Variants in PADI4 observed in about 807,000 individuals in gnomAD.
PADI4 encodes the protein protein-arginine deiminase type-4.
A neutral mutation model predicts 75.0 loss-of-function variants in PADI4; 62 were observed. The ratio of observed to expected loss-of-function variants is 0.83; its 90% CI spans 0.67 to 1.02. The LOEUF (loss-of-function observed/expected upper bound fraction) is 1.02, where lower values mean the gene tolerates loss of function less well. Among genes scored for constraint, PADI4 ranks in the 50% least tolerant of loss-of-function variants. The probability of loss-of-function intolerance (pLI) is 0.00; values close to 1 mark genes in which losing one functional copy is unlikely to be tolerated. For missense variants in PADI4, 845 were observed against 850.5 expected (o/e 0.99, Z 0.08); for synonymous variants, 361 against 348.1 (o/e 1.04, Z -0.41).
chr1:17,319,202 G>C (rs1471808896), intron 1 of PADI4, among the ~76,000 whole-genome samples: 3 of 151,842 alleles, frequency 2.0e-5, no homozygotes, highest in African/African-American at 7.3e-5. Flanking sequence ...GTGTTTTTTT[G>C]ATTGTCTGCC....
At chr1:17,352,185 G>C (rs867264694) in intron 10 of PADI4, among the ~76,000 whole-genome samples, 2 of 110,640 alleles carry the variant, frequency 1.8e-5, no homozygotes, top group African/African-American at 6.4e-5. Context: ...TAGGAGAGGC[G>C]GTCAGGGAGG....
chr1:17,333,973 C>A lies in PADI4; in HGVS notation c.304C>A (p.Pro102Thr), dbSNP rs34309058. The change falls in exon 3 of 16, where the codon CCA becomes ACA. Residue 102 changes from proline (P) to threonine (T), a missense_variant. Coordinates refer to ENST00000375448, the MANE Select transcript of PADI4 (RefSeq NM_012387.3). ...GATTTCATACTACGGACCCAAGACT[C>A]CACCAGTCAAAGCTCTACTCTACCT... is the stretch of plus-strand genomic sequence containing the variant. ...VQISYYGPKTPPVKALLYLTG... is the reference protein window; with the variant it reads ...VQISYYGPKTTPVKALLYLTG... 0.015 allele frequency: 24,003 copies of A among 1,612,530 alleles called. 241 individuals carry two copies. The highest frequency in any genetic ancestry group is 0.018 in the Non-Finnish European group (21,446 of 1,178,522).
chr1:17,333,788 T>A (rs2074258615), intron 2 of PADI4, among the ~76,000 whole-genome samples, 155 bp from the exon 3 acceptor site: 1 of 152,006 alleles, frequency 6.6e-6, no homozygotes. Context: ...TTTCCCTCCA[T>A]TCCCATCGGA....
intron 8 of PADI4, among the ~76,000 whole-genome samples, chr1:17,342,883 G>A (rs1369539994): frequency 1.2e-4 from 18 of 152,236 alleles, no homozygotes; most frequent in African/African-American, 3.6e-4. Context: ...GCCGAGGCAC[G>A]AGAATTGCTT....
Position 17,328,460 on chromosome 1 carries a change from A to T in PADI4, c.93-2509A>T, listed in dbSNP as rs184179733. On this transcript the variant is annotated intron_variant, in intron 1 of 15. Coordinates refer to ENST00000375448, the MANE Select transcript of PADI4 (RefSeq NM_012387.3). ...CAGGAGTTTGAGACCAGCCTGGGTA[A>T]CATAGCGAGACTCTGTCTCTACAAA... Among the ~76,000 whole-genome samples the T allele has an allele frequency of 2.2e-3, 333 of 152,224 alleles. 2 individuals are homozygous for T. The highest frequency in any genetic ancestry group is 7.8e-3 in the African/African-American group (325 of 41,578).
In PADI4 at chr1:17,356,520, T is replaced by G; in HGVS notation, c.1558+61T>G. On this transcript the variant is annotated intron_variant, in intron 13 of 15. Transcript: ENST00000375448. The surrounding 1 kb of genome is among the most constrained non-coding windows in gnomAD (Gnocchi z 4.1). Reference sequence around the variant, plus strand: ...CCTTCCTGCTTCCCATAGTCCGCTGTTGCCTGGAGGGAATCATCCAGGCAA... The same window carrying G: ...CCTTCCTGCTTCCCATAGTCCGCTGGTGCCTGGAGGGAATCATCCAGGCAA... The G allele has an allele frequency of 1.0e-6, 1 of 1,001,178 alleles. No homozygotes were observed. Among genetic ancestry groups the G allele is most frequent in the Non-Finnish European group, 1.6e-6 (1 of 644,806 alleles). The allele number at this position is 1,001,178 out of a possible 1,614,324, so 62.0% of individuals were successfully genotyped here.
intron 1 of PADI4, among the ~76,000 whole-genome samples, chr1:17,310,432 C>T (rs546188644): frequency 2.0e-5 from 3 of 152,266 alleles, no homozygotes; most frequent in South Asian, 4.1e-4. Context: ...GAGCAGCCAT[C>T]GGCCTCTTCC....
At chr1:17,312,320 C>T (rs796698881) in intron 1 of PADI4, among the ~76,000 whole-genome samples, 40 of 152,058 alleles carry the variant, frequency 2.6e-4, no homozygotes, top group African/African-American at 8.9e-4. Context: ...ATTAGCCGGG[C>T]GTGGTGGCAG....
chr1:17,320,482 A>G (rs916448247), intron 1 of PADI4, among the ~76,000 whole-genome samples: 2 of 152,220 alleles, frequency 1.3e-5, no homozygotes, highest in African/African-American at 4.8e-5. Context: ...TATATGCTAA[A>G]CAAGGGGTGG....
intron 1 of PADI4, among the ~76,000 whole-genome samples, chr1:17,314,934 A>G (rs1375022798): frequency 6.6e-6 from 1 of 152,144 alleles, no homozygotes; most frequent in Non-Finnish European, 1.5e-5. Context: ...GGGAATTCGT[A>G]TGTTCCATTC....
chr1:17,323,597 G>A (rs908946863), intron 1 of PADI4, among the ~76,000 whole-genome samples: 1 of 152,182 alleles, frequency 6.6e-6, no homozygotes, highest in African/African-American at 2.4e-5. Flanking sequence ...CACTTTGGGA[G>A]GCCAAGGCAG....
chr1:17,338,164 C>T lies in PADI4; in HGVS notation c.526+9C>T, dbSNP rs1243285894. On this transcript the variant is annotated intron_variant, in intron 5 of 15. Coordinates refer to ENST00000375448, the MANE Select transcript of PADI4 (RefSeq NM_012387.3). ...AGTGCTTGACAGCGAAGGTAAAGAG[C>T]ATTTGCTAGCTAACGGGAAGGGCTT... The T allele has an allele frequency of 2.2e-5, 35 of 1,558,524 alleles. No individual in the cohort carries two copies. The highest frequency in any genetic ancestry group is 5.0e-5 in the Admixed American group (3 of 59,900).
At chr1:17,314,950 G>A (rs2073906641) in intron 1 of PADI4, among the ~76,000 whole-genome samples, 1 of 152,198 alleles carries the variant, frequency 6.6e-6, no homozygotes, top group Non-Finnish European at 1.5e-5. Flanking sequence ...CATTCACACT[G>A]ACCCTGGCAA....
rs572256192 is a variant in PADI4, at chr1:17,351,385, G to T, written c.1156-3148G>T. On this transcript the variant is annotated intron_variant, in intron 10 of 15. Transcript: ENST00000375448. ...GCTGGTGGATTACTTGAGCCCAGGA[G>T]TTCGAGACCAGCCTAGGCACCATAG... 4.7e-5 allele frequency among the ~76,000 whole-genome samples: 7 copies of T among 149,518 alleles called. No individual in the cohort carries two copies. The South Asian group carries it at 1.5e-3, about 32-fold the overall frequency.
intron 1 of PADI4, among the ~76,000 whole-genome samples, chr1:17,317,400 C>T (rs1461236539): frequency 6.6e-6 from 1 of 152,074 alleles, no homozygotes; most frequent in Non-Finnish European, 1.5e-5. Flanking sequence ...TCCTGAGTAG[C>T]TGGGATTACA....
rs201509687 is a variant in PADI4 at position 17,346,029 on chromosome 1, A to T, written c.937A>T (p.Ile313Phe). 6.9e-6 allele frequency: 11 copies of T among 1,597,122 alleles called. No individual in the cohort carries two copies. In the Admixed American group the frequency reaches 1.7e-4, roughly 24 times the overall value. ...GAGCTGCTTTTCTGCTCTCTCTAGT[A>T]TTTTTGAAAATGAGGACTTCCTGAA... Reference protein sequence around the residue: ...QPPQEVYACSIFENEDFLKSV... With the variant: ...QPPQEVYACSFFENEDFLKSV... Residue 313 changes from isoleucine to phenylalanine, a missense_variant and splice_region_variant, in exon 9 of 16, where the codon ATT (isoleucine) becomes TTT (phenylalanine). Ile to Phe is a conservative substitution (Grantham distance 21, BLOSUM62 0). Transcript: ENST00000375448. This position sits in a 1 kb window ranked among gnomAD's most constrained non-coding sequence, Gnocchi z 4.3.
In PADI4 at chr1:17,331,075, A is replaced by G. The variant is rs748854866; in HGVS notation, c.199A>G (p.Thr67Ala). 1 of 1,612,242 alleles carries G rather than the reference A, an allele frequency of 6.2e-7. No homozygotes were observed. Among genetic ancestry groups the G allele is most frequent in the African/African-American group, 1.3e-5 (1 of 74,864 alleles). The change falls in exon 2 of 16, where the codon ACA (threonine) becomes GCA (alanine). Residue 67 changes from threonine to alanine, a missense_variant. Coordinates refer to ENST00000375448, the MANE Select transcript of PADI4 (RefSeq NM_012387.3). ...CAAGAAGAAATCCACAGGTTCCTCC[A>G]CATGGCCCCTGGACCCTGGGGTAGA... The part of the protein sequence containing the change: ...PAKKKSTGSS[T>A]WPLDPGVEVT...
chr1:17,338,297 A>G (rs2074353775), intron 5 of PADI4, 142 bp downstream of exon 5: 2 of 621,372 alleles, frequency 3.2e-6, no homozygotes, highest in Non-Finnish European at 5.9e-6. Flanking sequence ...AGGTGAAGCA[A>G]TGGGCAAAGG....
Position 17,358,956 on chromosome 1 carries a change from C to T in PADI4, c.1629+48C>T, listed in dbSNP as rs1463118846. The T allele has an allele frequency of 1.2e-5, 16 of 1,305,108 alleles. No homozygotes were observed. The East Asian group carries it at 1.9e-4, about 16-fold the overall frequency. The allele number at this position is 1,305,108 out of a possible 1,614,324, so 80.8% of individuals were successfully genotyped here. On this transcript the variant is annotated intron_variant, in intron 14 of 15. Coordinates refer to ENST00000375448, the MANE Select transcript of PADI4 (RefSeq NM_012387.3). ...CCCAGCAGACCTGACGCCCTGTCCC[C>T]GGCTCAGCCACTTTCCCAGTGATTA...
Sources: allele counts gnomAD v4.1 joint callset (sites outside exome capture counted in the v4.1 genomes callset), GRCh38; gene constraint gnomAD v4.1.1; non-coding constraint Gnocchi (gnomAD v3.1); transcripts MANE v1.5; gene names NCBI Gene and HGNC (gene_info 2026-07-23, HGNC 2026-07-21).